MROH7: variants seen among roughly 807,000 people sequenced by gnomAD.
MROH7 encodes the protein maestro heat like repeat family member 7.
A neutral mutation model predicts 129.2 loss-of-function variants in MROH7; 113 were observed. The observed-to-expected ratio is 0.87, with a 90% CI of 0.75 to 1.02. The LOEUF (loss-of-function observed/expected upper bound fraction) is 1.02. MROH7 is among the 50% of genes least tolerant of loss of function. MROH7 has a pLI of 0.00. For missense variants in MROH7, 1,601 were observed against 1,671.3 expected, an observed-to-expected ratio of 0.96 and a Z score of 0.73; for synonymous variants, 655 against 667.9, an observed-to-expected ratio of 0.98 and a Z score of 0.30.
intron 3 of MROH7, 37 bp downstream of exon 3, chr1:54,654,194 C>T: frequency 6.6e-7 from 1 of 1,521,368 alleles, no homozygotes; most frequent in South Asian, 1.3e-5. Flanking sequence ...AGAGCACTGT[C>T]CTGGAGGAAT....
At chr1:54,658,206 A>G (rs1286999858) in intron 3 of MROH7, among the ~76,000 whole-genome samples, 2 of 152,146 alleles carry the variant, frequency 1.3e-5, no homozygotes, top group Non-Finnish European at 2.9e-5. Flanking sequence ...GTGGATATCC[A>G]GTTTTTCTTG....
intron 17 of MROH7, chr1:54,699,160 TTTCTTTCTTTCTTTCTTTCTTTCTTTC>T (rs1645385128): frequency 9.5e-5 from 2 of 20,998 alleles, no homozygotes; most frequent in Admixed American, 4.3e-4. Flanking sequence ...CTTTCTTTCT[TTTCTTTCTTTCTTTCTTTCTTTCTTTC>T]TCTTTCTTTC....
At chr1:54,663,785 C>A (rs1644770665) in intron 3 of MROH7, 1 of 454,890 alleles carries the variant, frequency 2.2e-6, no homozygotes, top group Middle Eastern at 3.3e-4. Flanking sequence ...CTGGACTTTC[C>A]CTGCTTGAGT....
At chr1:54,694,757 C>T (rs1469769367) in intron 16 of MROH7, among the ~76,000 whole-genome samples, 1 of 152,186 alleles carries the variant, frequency 6.6e-6, no homozygotes. Flanking sequence ...GCCACCGCGC[C>T]TGGCTTGGGA....
At chr1:54,677,399 AAAAC>A (rs377077699) in intron 10 of MROH7, among the ~76,000 whole-genome samples, 11 of 152,272 alleles carry the variant, frequency 7.2e-5, no homozygotes, top group East Asian at 1.9e-4. Context: ...GCTGTGTCTC[AAAAC>A]AAACAAACAA....
chr1:54,691,463 T>C (rs1645235684), intron 15 of MROH7, among the ~76,000 whole-genome samples: 1 of 152,224 alleles, frequency 6.6e-6, no homozygotes, highest in African/African-American at 2.4e-5. Context: ...TGGAAAACTT[T>C]GTTTAAATGT....
chr1:54,663,698 A>C lies in MROH7; in HGVS notation c.1232-1469A>C, dbSNP rs565821345. On this transcript the variant is annotated intron_variant, in intron 3 of 23. Transcript: ENST00000421030. ...CCCCATCAGCTCTAAAAAAAAAAAA[A>C]AAACAAAAAAAAAACAAGCTTTTGT... is the stretch of plus-strand genomic sequence containing the variant. 2,260 of 373,866 alleles carry C rather than the reference A, an allele frequency of 6.0e-3. 1 individual carries two copies. Among genetic ancestry groups the C allele is most frequent in the East Asian group, 0.02 (228 of 11,412 alleles). 23.2% of individuals were successfully genotyped at this position (373,866 alleles called of 1,614,324 possible).
chr1:54,643,781 C>CT (rs1644422277), intron 1 of MROH7, among the ~76,000 whole-genome samples: 2 of 152,188 alleles, frequency 1.3e-5, no homozygotes, highest in African/African-American at 4.8e-5. Flanking sequence ...ATTTTTATTT[C>CT]ATCTGAGAAT....
intron 16 of MROH7, among the ~76,000 whole-genome samples, chr1:54,693,316 G>T (rs191205544): frequency 9.5e-4 from 145 of 152,264 alleles, no homozygotes; most frequent in Non-Finnish European, 1.8e-3. Context: ...TGGGTGTGGT[G>T]GCATGTGCCT....
chr1:54,676,512 C>T (rs1644983290), intron 10 of MROH7, among the ~76,000 whole-genome samples: 1 of 151,442 alleles, frequency 6.6e-6, no homozygotes, highest in Non-Finnish European at 1.5e-5. Context: ...CAGGTTCAAG[C>T]GATTCTCCTG....
intron 3 of MROH7, 105 bp downstream of exon 3, chr1:54,654,262 G>A: frequency 5.3e-6 from 6 of 1,132,988 alleles, no homozygotes; most frequent in Non-Finnish European, 6.1e-6. Flanking sequence ...ACAGCAGGCA[G>A]TTGATAACAT....
At chr1:54,657,524 A>C (rs764767932) in intron 3 of MROH7, among the ~76,000 whole-genome samples, 6 of 152,022 alleles carry the variant, frequency 3.9e-5, no homozygotes, top group Middle Eastern at 6.8e-3. Context: ...GACTGTAGGC[A>C]CACACCACTA....
chr1:54,671,013 G>A, intron 7 of MROH7, 84 bp downstream of exon 7: 2 of 1,449,936 alleles, frequency 1.4e-6, no homozygotes, highest in Non-Finnish European at 1.8e-6. Context: ...CGGCTCATTG[G>A]TCTGTGGCCT....
chr1:54,670,609 C>A, intron 6 of MROH7, 33 bp downstream of exon 6: 1 of 1,586,062 alleles, frequency 6.3e-7, no homozygotes, highest in Non-Finnish European at 8.6e-7. Flanking sequence ...TCCCACAGCC[C>A]CTCTCCTCTC....
chr1:54,680,950 T>A (rs1170314821), intron 13 of MROH7, among the ~76,000 whole-genome samples: 1 of 151,376 alleles, frequency 6.6e-6, no homozygotes, highest in Non-Finnish European at 1.5e-5. Flanking sequence ...CCACCAGGGT[T>A]TTTTTTTTCT....
intron 22 of MROH7, among the ~76,000 whole-genome samples, chr1:54,707,098 C>A (rs1645546355): frequency 6.6e-6 from 1 of 152,124 alleles, no homozygotes; most frequent in African/African-American, 2.4e-5. Context: ...TTCCATTTCC[C>A]ATAATCCCAA....
At chr1:54,689,892 A>C (rs1434104821) in intron 15 of MROH7, among the ~76,000 whole-genome samples, 1 of 152,192 alleles carries the variant, frequency 6.6e-6, no homozygotes, top group African/African-American at 2.4e-5. Flanking sequence ...GCTACTTGGA[A>C]GAATAAGGCA....
At chr1:54,686,528 G>C (rs1569950787) in intron 15 of MROH7, 80 bp downstream of exon 15, 1 of 1,305,658 alleles carries the variant, frequency 7.7e-7, no homozygotes, top group East Asian at 2.3e-5. Context: ...AAAAGTCTCA[G>C]GGGCAATCAA....
intron 15 of MROH7, among the ~76,000 whole-genome samples, chr1:54,688,530 T>C (rs55905828): frequency 0.17 from 25,357 of 152,022 alleles, 2,332 homozygotes; most frequent in East Asian, 0.29. Flanking sequence ...AGTCTGAAGG[T>C]CTTGGATTCA....
Sources: gnomAD v4.1 joint callset for allele counts (sites outside exome capture counted in the v4.1 genomes callset) on GRCh38, gnomAD v4.1.1 for gene constraint, MANE v1.5 for transcripts, NCBI Gene and HGNC (gene_info 2026-07-23, HGNC 2026-07-21) for gene names.